CELF1: variants seen among roughly 807,000 people sequenced by gnomAD.
The protein encoded by CELF1 is CUGBP Elav-like family member 1, also known as 50 kDa nuclear polyadenylated RNA-binding protein.
CELF1 carries 10 observed loss-of-function variants against 61.8 expected under a neutral mutation model. That is an observed-to-expected ratio of 0.16 (90% confidence interval 0.10 to 0.27). The LOEUF (loss-of-function observed/expected upper bound fraction) is 0.27. CELF1 is among the 10% of genes least tolerant of loss of function. The pLI is 1.00. For missense variants in CELF1, 380 were observed against 639.1 expected (o/e 0.59, Z 4.37); for synonymous variants, 236 against 225.1 (o/e 1.05, Z -0.43).
chr11:47,555,645 A>C (rs1463101890), upstream of CELF1, among the ~76,000 whole-genome samples: 3 of 152,230 alleles, frequency 2.0e-5, no homozygotes, highest in Admixed American at 6.5e-5. Flanking sequence ...TGTGAGATTT[A>C]AGAGTATGTA....
In CELF1 at chr11:47,500,936, C is replaced by T. The variant is rs78613553; in HGVS notation, c.-153-4G>A. 2,608 of 397,376 alleles carry T rather than the reference C, an allele frequency of 6.6e-3. 53 individuals are homozygous for T. Among genetic ancestry groups the T allele is most frequent in the African/African-American group, 0.048 (2,314 of 48,266 alleles). 24.6% of individuals were successfully genotyped at this position (397,376 alleles called of 1,614,324 possible). On this transcript the variant is annotated splice_region_variant and splice_polypyrimidine_tract_variant and intron_variant, in intron 1 of 14. Transcript: ENST00000687097. The stretch of plus-strand genomic sequence containing the variant: ...AAAAAAAGAAGTTATGTTCAGCCTG[C>T]AAAGAAGTAAAACGAATGAACTACT...
intron 5 of CELF1, 38 bp downstream of exon 5, chr11:47,487,121 G>C (rs1421573635): frequency 2.0e-6 from 3 of 1,496,438 alleles, no homozygotes; most frequent in African/African-American, 1.4e-5. Flanking sequence ...ACATATCAAA[G>C]TTACCACATT....
At chr11:47,496,589 G>A (rs557691594) in intron 3 of CELF1, among the ~76,000 whole-genome samples, 1 of 152,310 alleles carries the variant, frequency 6.6e-6, no homozygotes, top group South Asian at 2.1e-4. Context: ...ATTTGGAGGA[G>A]GGGGAGGTGT....
intron 6 of CELF1, 34 bp downstream of exon 6, chr11:47,486,716 A>C: frequency 6.3e-7 from 1 of 1,590,304 alleles, no homozygotes; most frequent in Non-Finnish European, 8.6e-7. Flanking sequence ...CCTAGGCAGA[A>C]ATCTTAAGGG....
chr11:47,474,504 T>A (rs930910803), intron 13 of CELF1, among the ~76,000 whole-genome samples: 6 of 152,248 alleles, frequency 3.9e-5, no homozygotes, highest in Non-Finnish European at 7.3e-5. Context: ...CAGAGGATCA[T>A]CTGAAACACC....
intron 1 of CELF1, among the ~76,000 whole-genome samples, chr11:47,504,628 C>T (rs1019299733): frequency 3.6e-5 from 5 of 140,216 alleles, no homozygotes; most frequent in East Asian, 2.0e-4. Flanking sequence ...AGGCTGGGCG[C>T]GGTGGCTCAC....
intron 1 of CELF1, among the ~76,000 whole-genome samples, chr11:47,504,639 C>T (rs1347699002): frequency 2.1e-5 from 3 of 142,734 alleles, no homozygotes; most frequent in Non-Finnish European, 4.8e-5. Flanking sequence ...GGTGGCTCAC[C>T]GCCTCTAATC....
intron 1 of CELF1, among the ~76,000 whole-genome samples, chr11:47,549,171 G>A (rs114087377): frequency 0.014 from 2,134 of 152,168 alleles, 48 homozygotes; most frequent in African/African-American, 0.048. Context: ...ACTGTAAAAT[G>A]GTGCAACTGC....
intron 3 of CELF1, among the ~76,000 whole-genome samples, chr11:47,489,935 G>GTTTTTGTTTTTT (rs1555170253): frequency 8.3e-5 from 4 of 48,224 alleles, no homozygotes; most frequent in Admixed American, 3.0e-4. Flanking sequence ...ATACCATCTT[G>GTTTTTGTTTTTT]TTTTTTTTTT....
intron 2 of CELF1, among the ~76,000 whole-genome samples, chr11:47,562,226 CAA>C (rs745795043): frequency 2.2e-4 from 18 of 81,626 alleles, no homozygotes; most frequent in Admixed American, 4.2e-4. Context: ...AACTCCATCT[CAA>C]AAAAAAAAAA....
intron 10 of CELF1, among the ~76,000 whole-genome samples, chr11:47,477,968 G>A (rs180861144): frequency 6.6e-6 from 1 of 152,146 alleles, no homozygotes. Flanking sequence ...AAATCACTGA[G>A]TGAAAGACTT....
intron 1 of CELF1, among the ~76,000 whole-genome samples, chr11:47,539,633 ACT>A (rs2096724632): frequency 6.6e-6 from 1 of 152,192 alleles, no homozygotes; most frequent in South Asian, 2.1e-4. Flanking sequence ...ACTAAGTCTA[ACT>A]CAAAGTTATT....
At chr11:47,542,081 C>T (rs571291614) in intron 1 of CELF1, among the ~76,000 whole-genome samples, 2 of 152,192 alleles carry the variant, frequency 1.3e-5, no homozygotes, top group South Asian at 2.1e-4. Context: ...TTTCTAAAGC[C>T]GTACTGGGCT....
chr11:47,542,162 G>C (rs2096824762), intron 1 of CELF1, among the ~76,000 whole-genome samples: 1 of 152,192 alleles, frequency 6.6e-6, no homozygotes, highest in African/African-American at 2.4e-5. Flanking sequence ...CTGAGGTCAG[G>C]AGTTCGAGAC....
At chr11:47,503,831 T>C (rs113649128) in intron 1 of CELF1, among the ~76,000 whole-genome samples, 2,428 of 152,326 alleles carry the variant, frequency 0.016, 49 homozygotes, top group African/African-American at 0.048. Flanking sequence ...CTCTGTGGCA[T>C]TTCACTTTGT....
chr11:47,495,888 C>T (rs909543510), intron 3 of CELF1: 17 of 615,092 alleles, frequency 2.8e-5, no homozygotes, highest in Non-Finnish European at 3.3e-5. Flanking sequence ...CCCCCTTTCT[C>T]ATTACCTGTT....
intron 10 of CELF1, among the ~76,000 whole-genome samples, chr11:47,477,921 G>C (rs2080985884): frequency 6.6e-6 from 1 of 152,180 alleles, no homozygotes; most frequent in African/African-American, 2.4e-5. Context: ...ACTGTCACTT[G>C]AATAGCAGAT....
intron 1 of CELF1, among the ~76,000 whole-genome samples, chr11:47,547,673 AAAAAAAAAAAG>A (rs1188624068): frequency 2.0e-5 from 3 of 147,256 alleles, no homozygotes; most frequent in Admixed American, 6.8e-5. Flanking sequence ...CCATCTCAAA[AAAAAAAAAAAG>A]AAAAAAAAAA....
At chr11:47,512,483 G>C (rs925659571) in intron 1 of CELF1, among the ~76,000 whole-genome samples, 1 of 148,400 alleles carries the variant, frequency 6.7e-6, no homozygotes, top group Non-Finnish European at 1.5e-5. Context: ...TTAGAGATGA[G>C]GGATCACTCT....
Sources: gnomAD v4.1 joint callset for allele counts (sites outside exome capture counted in the v4.1 genomes callset) on GRCh38, gnomAD v4.1.1 for gene constraint, MANE v1.5 for transcripts, NCBI Gene and HGNC (gene_info 2026-07-23, HGNC 2026-07-21) for gene names.